CHRFAM7A: variants seen among roughly 807,000 people sequenced by gnomAD.
CHRFAM7A encodes the protein CHRNA7 (exons 5-10) and FAM7A (exons A-E) fusion, also known as CHRNA7-FAM7A fusion protein.
Under a neutral mutation model 29.2 loss-of-function variants are expected in CHRFAM7A, and 3 were observed. The observed-to-expected ratio is 0.10, with a 90% CI of 0.05 to 0.27. The LOEUF (loss-of-function observed/expected upper bound fraction) is 0.27, where lower values mean the gene tolerates loss of function less well. Ranked by LOEUF, CHRFAM7A falls within the 10% of genes least tolerant of loss-of-function variation. The pLI, the probability that CHRFAM7A is intolerant of heterozygous loss-of-function variation, is 1.00. For missense variants in CHRFAM7A, 22 were observed against 328.0 expected (o/e 0.07, Z 7.21); for synonymous variants, 7 against 135.4 (o/e 0.05, Z 6.58).
chr15:30,363,042 C>G (rs1268366659), intron 9 of CHRFAM7A, among the ~76,000 whole-genome samples: 1 of 151,572 alleles, frequency 6.6e-6, no homozygotes, highest in Non-Finnish European at 1.5e-5. Context: ...AAATTGTTCT[C>G]CGGGGCAGGC....
intron 5 of CHRFAM7A, among the ~76,000 whole-genome samples, chr15:30,374,959 GC>G (rs1420207913): frequency 2.1e-5 from 3 of 140,700 alleles, no homozygotes; most frequent in African/African-American, 8.0e-5. Flanking sequence ...TTTCCTGCCA[GC>G]GTAAGGAAGC....
chr15:30,375,760 TTGTG>T (rs1473433127), intron 5 of CHRFAM7A, among the ~76,000 whole-genome samples: 7 of 147,616 alleles, frequency 4.7e-5, no homozygotes, highest in East Asian at 4.1e-4. Context: ...GGTGGTATAT[TTGTG>T]TGAGTGGTGT....
At chr15:30,376,949 C>CGGGG in intron 5 of CHRFAM7A, 81 bp downstream of exon 5, 1 of 51,980 alleles carries the variant, frequency 1.9e-5, no homozygotes, top group African/African-American at 4.7e-4. Context: ...GTCCACCACA[C>CGGGG]GGGGGCACCG....
At chr15:30,367,278 T>C (rs1158659888) in intron 9 of CHRFAM7A, 140 bp downstream of exon 9, 3 of 932,322 alleles carry the variant, frequency 3.2e-6, no homozygotes, top group Non-Finnish European at 4.8e-6. Context: ...ATAGTGAGAC[T>C]CCGTCTCAAA....
chr15:30,372,349 G>A lies in CHRFAM7A; in HGVS notation c.329-8C>T. On this transcript the variant is annotated splice_polypyrimidine_tract_variant and splice_region_variant and intron_variant, in intron 6 of 9. Transcript: ENST00000299847. ...TCCTCTTGCCGGGGATTCCTCCATA[G>A]GGAGGAGGAGAGAAGGAGCCATTGT... The A allele has an allele frequency of 8.7e-7, 1 of 1,153,730 alleles. No homozygotes were observed. The highest frequency in any genetic ancestry group is 2.4e-5 in the East Asian group (1 of 42,262). The allele number at this position is 1,153,730 out of a possible 1,614,324, so 71.5% of individuals were successfully genotyped here. A position where few individuals can be genotyped will look rare whatever the true frequency, so the allele number is the denominator to read the frequency against.
intron 5 of CHRFAM7A, among the ~76,000 whole-genome samples, chr15:30,375,574 GC>G (rs1447765103): frequency 2.7e-5 from 4 of 150,036 alleles, no homozygotes; most frequent in African/African-American, 9.8e-5. Context: ...GTGCATGCCT[GC>G]ATGTGTGTAA....
At chr15:30,388,754 TAGTAATATCA>T (rs2058988119) in intron 1 of CHRFAM7A, among the ~76,000 whole-genome samples, 1 of 96,940 alleles carries the variant, frequency 1.0e-5, no homozygotes, top group Admixed American at 1.2e-4. Flanking sequence ...AAACCAGAAG[TAGTAATATCA>T]AAATGTATGA....
intron 7 of CHRFAM7A, 106 bp from the exon 8 acceptor site, chr15:30,371,290 T>TG: frequency 1.4e-6 from 1 of 726,436 alleles, no homozygotes; most frequent in Non-Finnish European, 2.3e-6. Flanking sequence ...AGGGAGGCGC[T>TG]GGGGGGAATG....
At chr15:30,375,888 TGTG>T (rs761816215) in intron 5 of CHRFAM7A, among the ~76,000 whole-genome samples, 468 of 7,206 alleles carry the variant, frequency 0.065, 11 homozygotes, top group South Asian at 0.095. Context: ...TGTTGAGTCG[TGTG>T]GGTGGTATGT....
At chr15:30,374,450 T>C (rs2058899208) in intron 5 of CHRFAM7A, among the ~76,000 whole-genome samples, 1 of 121,660 alleles carries the variant, frequency 8.2e-6, no homozygotes, top group African/African-American at 3.2e-5. Flanking sequence ...ACAATCCCCC[T>C]CCATTAATAG....
chr15:30,362,230 ATC>A lies in CHRFAM7A; in HGVS notation c.*61_*62del. 1.1e-5 allele frequency: 1 copy of A among 86,982 alleles called. No homozygotes were observed. The highest frequency in any genetic ancestry group is 3.3e-4 in the African/African-American group (1 of 3,034). The allele number at this position is 86,982 out of a possible 1,614,324, so 5.4% of individuals were successfully genotyped here. A position where few individuals can be genotyped will look rare whatever the true frequency, so the allele number is the denominator to read the frequency against. Reference sequence around the variant, plus strand: ...TGCTGTCCTGGATTAGCACCCCCAAATCTCGCCAAGCCAAAGGCCTTGCCCAT... The same window carrying A: ...TGCTGTCCTGGATTAGCACCCCCAAATCGCCAAGCCAAAGGCCTTGCCCAT... On this transcript the variant is annotated 3_prime_UTR_variant, in exon 10 of 10. Coordinates refer to ENST00000299847, the MANE Select transcript of CHRFAM7A (RefSeq NM_139320.2).
chr15:30,367,081 A>C (rs2058793648), intron 9 of CHRFAM7A, among the ~76,000 whole-genome samples: 1 of 150,094 alleles, frequency 6.7e-6, no homozygotes, highest in Non-Finnish European at 1.5e-5. Context: ...CAGGAGTTCG[A>C]CATCAGCCTG....
intron 5 of CHRFAM7A, among the ~76,000 whole-genome samples, chr15:30,374,546 C>T (rs1006095179): frequency 2.7e-5 from 4 of 145,978 alleles, no homozygotes; most frequent in East Asian, 2.0e-4. Flanking sequence ...AATAATGGCC[C>T]GAGACAGAGA....
At chr15:30,377,488 T>C (rs2058942854) in intron 4 of CHRFAM7A, among the ~76,000 whole-genome samples, 1 of 142,600 alleles carries the variant, frequency 7.0e-6, no homozygotes, top group Non-Finnish European at 1.5e-5. Flanking sequence ...GTGAGCCTCA[T>C]GGGGCAGGGT....
intron 5 of CHRFAM7A, among the ~76,000 whole-genome samples, chr15:30,374,593 G>A (rs992806647): frequency 9.0e-5 from 13 of 143,828 alleles, no homozygotes; most frequent in African/African-American, 3.1e-4. Context: ...TGGTTGCTGG[G>A]AGTAGGAATG....
At chr15:30,374,689 CTG>C (rs1262834516) in intron 5 of CHRFAM7A, among the ~76,000 whole-genome samples, 2 of 111,940 alleles carry the variant, frequency 1.8e-5, no homozygotes, top group African/African-American at 7.0e-5. Context: ...TTGCATAAGT[CTG>C]TAAATATACT....
chr15:30,373,313 T>G (rs1490872224), intron 5 of CHRFAM7A, among the ~76,000 whole-genome samples, 168 bp from the exon 6 acceptor site: 5 of 149,050 alleles, frequency 3.4e-5, no homozygotes, highest in African/African-American at 1.2e-4. Context: ...AAACAGAATC[T>G]CAGCTAAGCT....
Position 30,361,683 on chromosome 15 carries a change from T to C in CHRFAM7A, c.*610A>G, listed in dbSNP as rs1425863897. 1.4e-5 allele frequency: 1 copy of C among 70,584 alleles called. No homozygotes were observed. The highest frequency in any genetic ancestry group is 2.9e-5 in the Non-Finnish European group (1 of 33,910). The allele number at this position is 70,584 out of a possible 1,614,324, so 4.4% of individuals were successfully genotyped here. ...GGCAGGCTGGTAAAAACATCCTTAGTAAGACCAACAGTCTGTCTTTTTTTT... is the reference window on the plus strand; with the variant it reads ...GGCAGGCTGGTAAAAACATCCTTAGCAAGACCAACAGTCTGTCTTTTTTTT... On this transcript the variant is annotated 3_prime_UTR_variant, in exon 10 of 10. Transcript: ENST00000299847.
chr15:30,376,127 G>GTGT (rs1349511627), intron 5 of CHRFAM7A, among the ~76,000 whole-genome samples: 1,881 of 148,122 alleles, frequency 0.013, 4 homozygotes, highest in African/African-American at 0.045. Flanking sequence ...ACTGAGTGGT[G>GTGT]TGTGTGTGTG....
Sources: allele counts gnomAD v4.1 joint callset (sites outside exome capture counted in the v4.1 genomes callset), GRCh38; gene constraint gnomAD v4.1.1; transcripts MANE v1.5; gene names NCBI Gene and HGNC (gene_info 2026-07-23, HGNC 2026-07-21).